Variants in CNBD1 observed in about 807,000 individuals in gnomAD.
CNBD1 encodes cyclic nucleotide binding domain containing 1.
Under a neutral mutation model 54.4 loss-of-function variants are expected in CNBD1, and 71 were observed. The observed-to-expected ratio is 1.30, with a 90% CI of 1.08 to 1.59. The LOEUF is 1.59. Among genes scored for constraint, CNBD1 ranks in the 40% most tolerant of loss-of-function variants. CNBD1 has a pLI of 0.00. For missense variants in CNBD1, 659 were observed against 518.0 expected (o/e 1.27, Z -2.64); for synonymous variants, 182 against 170.7 (o/e 1.07, Z -0.51).
intron 6 of CNBD1, among the ~76,000 whole-genome samples, chr8:87,239,283 A>G (rs1807641543): frequency 6.6e-6 from 1 of 152,198 alleles, no homozygotes; most frequent in Non-Finnish European, 1.5e-5. Flanking sequence ...CTAAAAATTT[A>G]AAGTATCCTT....
chr8:87,178,480 G>T (rs1813244989), intron 4 of CNBD1, among the ~76,000 whole-genome samples: 1 of 152,054 alleles, frequency 6.6e-6, no homozygotes, highest in Admixed American at 6.6e-5. Flanking sequence ...ATGGAAAGAA[G>T]GCCAACATGA....
chr8:87,175,018 G>A (rs1813168231), intron 4 of CNBD1, among the ~76,000 whole-genome samples: 1 of 152,174 alleles, frequency 6.6e-6, no homozygotes, highest in African/African-American at 2.4e-5. Context: ...ACTGGGTCAG[G>A]CCTGAAGCCA....
intron 4 of CNBD1, among the ~76,000 whole-genome samples, chr8:87,135,735 C>CAT (rs1812213691): frequency 1.3e-5 from 2 of 150,130 alleles, no homozygotes; most frequent in Non-Finnish European, 3.0e-5. Context: ...TCTGATCCAA[C>CAT]ATATATATAA....
intron 2 of CNBD1, chr8:87,428,514 T>C: frequency 2.4e-6 from 1 of 415,566 alleles, no homozygotes; most frequent in South Asian, 1.8e-5. Context: ...TTTTTTATGA[T>C]ATTCTAAGTG....
intron 4 of CNBD1, among the ~76,000 whole-genome samples, chr8:87,004,815 CT>C (rs954003819): frequency 7.2e-5 from 11 of 152,202 alleles, no homozygotes; most frequent in Non-Finnish European, 1.2e-4. Flanking sequence ...CAAGGGTGCT[CT>C]TTGTAATTCA....
At chr8:87,264,002 A>AT (rs1304190098) in intron 6 of CNBD1, among the ~76,000 whole-genome samples, 2 of 151,920 alleles carry the variant, frequency 1.3e-5, no homozygotes, top group African/African-American at 2.4e-5. Flanking sequence ...ATTTTATTTT[A>AT]TTTTTTTATT....
intron 6 of CNBD1, among the ~76,000 whole-genome samples, chr8:87,270,429 G>C (rs184979540): frequency 1.3e-4 from 20 of 152,056 alleles, no homozygotes; most frequent in African/African-American, 4.8e-4. Flanking sequence ...TCTCACGCCA[G>C]TCAGAATAGC....
chr8:86,874,949 A>C (rs1168979868), intron 1 of CNBD1, among the ~76,000 whole-genome samples: 1 of 145,138 alleles, frequency 6.9e-6, no homozygotes, highest in East Asian at 2.0e-4. Flanking sequence ...AGATCTAGGG[A>C]ATACAAATTC....
At chr8:87,417,659 T>C (rs1807859085) in intron 2 of CNBD1, among the ~76,000 whole-genome samples, 1 of 151,916 alleles carries the variant, frequency 6.6e-6, no homozygotes, top group Admixed American at 6.6e-5. Context: ...ATATGCATGA[T>C]CAATATACAA....
intron 4 of CNBD1, among the ~76,000 whole-genome samples, chr8:86,982,074 T>C (rs1702167278): frequency 6.6e-6 from 1 of 152,180 alleles, no homozygotes; most frequent in Admixed American, 6.6e-5. Context: ...CAAAACAGAA[T>C]TGCCAGTCCA....
At chr8:87,015,446 A>G (rs951826427) in intron 4 of CNBD1, among the ~76,000 whole-genome samples, 10 of 152,016 alleles carry the variant, frequency 6.6e-5, no homozygotes, top group African/African-American at 2.4e-4. Context: ...CAGCCTCCCA[A>G]AGTGCTGGAA....
chr8:87,149,307 T>G (rs1052236156), intron 4 of CNBD1, among the ~76,000 whole-genome samples: 1 of 152,224 alleles, frequency 6.6e-6, no homozygotes, highest in African/African-American at 2.4e-5. Flanking sequence ...TTGAGGATTA[T>G]AGTCAGACTA....
chr8:87,264,891 C>T (rs150508054), intron 6 of CNBD1, among the ~76,000 whole-genome samples: 42,659 of 151,666 alleles, frequency 0.28, 6,458 homozygotes, highest in African/African-American at 0.39. Flanking sequence ...TTGTAGATTT[C>T]GGATATTAGC....
intron 2 of CNBD1, among the ~76,000 whole-genome samples, chr8:87,416,802 C>CAA (rs1807845292): frequency 6.6e-6 from 1 of 151,914 alleles, no homozygotes; most frequent in East Asian, 1.9e-4. Context: ...ATGAGTATTA[C>CAA]CAAAAACAGA....
intron 4 of CNBD1, among the ~76,000 whole-genome samples, chr8:87,156,365 C>A (rs1397613167): frequency 6.7e-6 from 1 of 149,286 alleles, no homozygotes; most frequent in African/African-American, 2.5e-5. Flanking sequence ...GTGCCTCAGC[C>A]TTCCATGTAG....
At chr8:87,316,101 TAAG>T (rs1293736587) in intron 8 of CNBD1, among the ~76,000 whole-genome samples, 1 of 152,056 alleles carries the variant, frequency 6.6e-6, no homozygotes, top group Non-Finnish European at 1.5e-5. Context: ...GTGATTCATC[TAAG>T]AATAATAAAA....
At chr8:87,309,295 G>A (rs1326551522) in intron 8 of CNBD1, among the ~76,000 whole-genome samples, 1 of 151,918 alleles carries the variant, frequency 6.6e-6, no homozygotes. Context: ...AATATAATCG[G>A]TTTCTTCTTA....
intron 8 of CNBD1, among the ~76,000 whole-genome samples, chr8:87,350,417 T>G (rs1242475930): frequency 1.3e-5 from 2 of 152,014 alleles, no homozygotes; most frequent in Non-Finnish European, 1.5e-5. Flanking sequence ...ACAAAATTAT[T>G]GAATCCCACT....
At chr8:87,406,306 G>GA (rs960571933) in intron 2 of CNBD1, among the ~76,000 whole-genome samples, 8 of 151,748 alleles carry the variant, frequency 5.3e-5, no homozygotes, top group African/African-American at 1.7e-4. Context: ...ATACCTAATA[G>GA]AAAAAAGCTA....
Sources: gnomAD v4.1 joint callset for allele counts (sites outside exome capture counted in the v4.1 genomes callset) on GRCh38, gnomAD v4.1.1 for gene constraint, MANE v1.5 for transcripts, NCBI Gene and HGNC (gene_info 2026-07-23, HGNC 2026-07-21) for gene names.